Variants in AKNAD1 observed in about 807,000 individuals in gnomAD.
The protein encoded by AKNAD1 is protein AKNAD1.
In AKNAD1, 67 loss-of-function variants were observed where a neutral mutation model predicts 90.8. The observed-to-expected ratio is 0.74, with a 90% CI of 0.61 to 0.90. AKNAD1 has a LOEUF of 0.90. Ranked by LOEUF, AKNAD1 falls within the 40% of genes least tolerant of loss-of-function variation. The pLI is 0.00. For missense variants in AKNAD1, 957 were observed against 975.4 expected (o/e 0.98, Z 0.25); for synonymous variants, 327 against 341.4 (o/e 0.96, Z 0.46).
intron 1 of AKNAD1, among the ~76,000 whole-genome samples, chr1:108,853,344 G>T (rs1664928680): frequency 2.0e-5 from 3 of 151,668 alleles, no homozygotes. Context: ...TATTAGCCAG[G>T]ATGGTCTTCA....
chr1:108,834,969 C>T lies in AKNAD1; in HGVS notation c.1624G>A (p.Glu542Lys), dbSNP rs779192059. Residue 542 changes from glutamate (E) to lysine (K), a missense_variant, in exon 8 of 16, where the codon GAG becomes AAG. Transcript: ENST00000370001. Reference sequence around the variant, plus strand: ...TCACAGAGCTCCTCGTTGGGGGCCTCCTGCGGCCCTCCTTGGGGTGTCCCT... The same window carrying T: ...TCACAGAGCTCCTCGTTGGGGGCCTTCTGCGGCCCTCCTTGGGGTGTCCCT... ...VTGTPQGGPQ[E>K]APNEELCELA... The T allele has an allele frequency of 2.7e-5, 42 of 1,552,780 alleles. No individual in the cohort carries two copies. The highest frequency in any genetic ancestry group is 3.5e-5 in the Non-Finnish European group (41 of 1,158,840).
intron 5 of AKNAD1, among the ~76,000 whole-genome samples, chr1:108,843,976 T>C (rs1056108214): frequency 1.3e-5 from 2 of 152,296 alleles, no homozygotes; most frequent in South Asian, 2.1e-4. Flanking sequence ...TTTCTGGCCC[T>C]GGGCCAGAAG....
intron 14 of AKNAD1, 23 bp from the exon 15 acceptor site, chr1:108,817,200 T>C: frequency 6.2e-7 from 1 of 1,613,392 alleles, no homozygotes; most frequent in Non-Finnish European, 8.5e-7. Flanking sequence ...AGCACATTGA[T>C]ACTTGTGTCA....
In AKNAD1 at chr1:108,835,044, G is replaced by A; in HGVS notation, c.1549C>T (p.His517Tyr). 6.3e-7 allele frequency: 1 copy of A among 1,575,394 alleles called. No homozygotes were observed. The highest frequency in any genetic ancestry group is 8.6e-7 in the Non-Finnish European group (1 of 1,165,714). Residue 517 changes from histidine to tyrosine, a missense_variant, in exon 8 of 16, where the codon CAC (histidine) becomes TAC (tyrosine). Coordinates refer to ENST00000370001, the MANE Select transcript of AKNAD1 (RefSeq NM_152763.5). The part of the protein sequence containing the change: ...SSLSNEIPKE[H>Y]PGHPSGPRGS... ...CGAGGCCCAGAAGGGTGGCCGGGGT[G>A]CTCCTTGGGAATCTGGGGGAGCCAC... is the stretch of plus-strand genomic sequence containing the variant.
chr1:108,844,817 C>CT (rs58471346), intron 5 of AKNAD1, among the ~76,000 whole-genome samples: 43,839 of 145,130 alleles, frequency 0.3, 6,735 homozygotes, highest in African/African-American at 0.42. Context: ...ATTATTAATT[C>CT]TTTTTTTTTT....
At chr1:108,839,808 C>G (rs976638049) in intron 6 of AKNAD1, among the ~76,000 whole-genome samples, 1 of 152,034 alleles carries the variant, frequency 6.6e-6, no homozygotes, top group African/African-American at 2.4e-5. Context: ...ATCACTTGAA[C>G]CCAGGAGTTC....
At chr1:108,846,440 C>T (rs552853829) in intron 5 of AKNAD1, among the ~76,000 whole-genome samples, 86 of 152,308 alleles carry the variant, frequency 5.6e-4, no homozygotes, top group African/African-American at 2.0e-3. Context: ...TTCTGGAGAT[C>T]TTGCTTATCG....
intron 5 of AKNAD1, among the ~76,000 whole-genome samples, chr1:108,846,796 G>A (rs1664714360): frequency 6.6e-6 from 1 of 151,992 alleles, no homozygotes; most frequent in Non-Finnish European, 1.5e-5. Context: ...ACTGCCTACT[G>A]GAGCCCTCTA....
At chr1:108,820,480 C>G (rs1278825074) in intron 14 of AKNAD1, 65 bp downstream of exon 14, 1 of 1,096,776 alleles carries the variant, frequency 9.1e-7, no homozygotes, top group Non-Finnish European at 1.4e-6. Flanking sequence ...AATGCACTAT[C>G]AAGTACACTG....
chr1:108,842,811 T>C (rs1359345581), intron 6 of AKNAD1, among the ~76,000 whole-genome samples: 2 of 151,824 alleles, frequency 1.3e-5, no homozygotes, highest in Non-Finnish European at 2.9e-5. Context: ...CTTTCTAGGG[T>C]TTTCTTAGGC....
At chr1:108,838,326 C>CT (rs1664443176) in intron 6 of AKNAD1, among the ~76,000 whole-genome samples, 1 of 149,244 alleles carries the variant, frequency 6.7e-6, no homozygotes, top group African/African-American at 2.5e-5. Context: ...ATAGCCCCCC[C>CT]CCCAAAAAAA....
chr1:108,852,668 TGTGCAGCCC>T lies in AKNAD1; in HGVS notation c.-13_-5del. On this transcript the variant is annotated 5_prime_UTR_variant, in exon 2 of 16. Coordinates refer to ENST00000370001, the MANE Select transcript of AKNAD1 (RefSeq NM_152763.5). Reference sequence around the variant, plus strand: ...CTGAAAAATCAGCCTCATCCATGTGTGTGCAGCCCGATCGCTCTCGTCCTCTGCCTCCTG... The same window carrying T: ...CTGAAAAATCAGCCTCATCCATGTGTGATCGCTCTCGTCCTCTGCCTCCTG... 6.4e-7 allele frequency: 1 copy of T among 1,558,614 alleles called. No homozygotes were observed. Among genetic ancestry groups the T allele is most frequent in the Non-Finnish European group, 8.6e-7 (1 of 1,156,096 alleles).
intron 5 of AKNAD1, among the ~76,000 whole-genome samples, chr1:108,847,313 T>C (rs1005780837): frequency 1.4e-4 from 21 of 151,928 alleles, no homozygotes; most frequent in African/African-American, 5.1e-4. Flanking sequence ...CCAGGCACGG[T>C]GGTGCACACC....
In AKNAD1 at chr1:108,822,368, T is replaced by C. The variant is rs1022184213; in HGVS notation, c.2167+1002A>G. ...GCTAATGGAGTTCAAGATCACATTGTGGATGAATCCATTGCAGCCCTCGTT... is the reference window on the plus strand; with the variant it reads ...GCTAATGGAGTTCAAGATCACATTGCGGATGAATCCATTGCAGCCCTCGTT... On this transcript the variant is annotated intron_variant, in intron 13 of 15. Coordinates refer to ENST00000370001, the MANE Select transcript of AKNAD1 (RefSeq NM_152763.5). Among the ~76,000 whole-genome samples, 3 of 152,198 alleles carry C rather than the reference T, an allele frequency of 2.0e-5. No individual in the cohort carries two copies. The East Asian group carries it at 5.8e-4, about 29-fold the overall frequency.
At chr1:108,822,292 T>C (rs1367815207) in intron 13 of AKNAD1, among the ~76,000 whole-genome samples, 1 of 152,180 alleles carries the variant, frequency 6.6e-6, no homozygotes, top group African/African-American at 2.4e-5. Flanking sequence ...GTAAGGGTCT[T>C]TGTAACCTGG....
chr1:108,827,677 C>T (rs761091679), intron 10 of AKNAD1, among the ~76,000 whole-genome samples: 1 of 150,500 alleles, frequency 6.6e-6, no homozygotes, highest in Non-Finnish European at 1.5e-5. Context: ...AGCTGGGCGC[C>T]GTAGTGGGTG....
Position 108,851,845 on chromosome 1 carries a change from T to C in AKNAD1, c.820A>G (p.Lys274Glu), listed in dbSNP as rs1234379724. Residue 274 changes from lysine (K) to glutamate (E), a missense_variant, in exon 2 of 16, where the codon AAG becomes GAG. Lys to Glu is a moderately conservative substitution (Grantham distance 56). Transcript: ENST00000370001. ...IAPKVKIPKNKIINKPLAIAK... is the reference protein window; with the variant it reads ...IAPKVKIPKNEIINKPLAIAK... ...ATTGCAAGTGGTTTATTAATTATCT[T>C]ATTTTTAGGAATTTTCACTTTGGGA... The C allele has an allele frequency of 1.9e-6, 3 of 1,613,756 alleles. No individual in the cohort carries two copies. The highest frequency in any genetic ancestry group is 2.2e-5 in the East Asian group (1 of 44,888).
Position 108,834,548 on chromosome 1 carries a change from A to G in AKNAD1, c.1665-20T>C, listed in dbSNP as rs887620677. The G allele has an allele frequency of 8.2e-7, 1 of 1,217,970 alleles. No individual in the cohort carries two copies. The highest frequency in any genetic ancestry group is 1.2e-6 in the Non-Finnish European group (1 of 866,286). The allele number at this position is 1,217,970 out of a possible 1,614,324, so 75.4% of individuals were successfully genotyped here. The stretch of plus-strand genomic sequence containing the variant: ...AGGTAACTAATTTAAAAAAAAAAAA[A>G]GCAGTTTGAATGTTAGAATCAGTTC... On this transcript the variant is annotated intron_variant, in intron 8 of 15. Coordinates refer to ENST00000370001, the MANE Select transcript of AKNAD1 (RefSeq NM_152763.5).
chr1:108,846,660 C>T (rs1664710235), intron 5 of AKNAD1, among the ~76,000 whole-genome samples: 1 of 151,978 alleles, frequency 6.6e-6, no homozygotes, highest in Non-Finnish European at 1.5e-5. Flanking sequence ...CTCTCCTGGG[C>T]CCTCTTCACT....
Sources: allele counts gnomAD v4.1 joint callset (sites outside exome capture counted in the v4.1 genomes callset), GRCh38; gene constraint gnomAD v4.1.1; transcripts MANE v1.5; gene names NCBI Gene and HGNC (gene_info 2026-07-23, HGNC 2026-07-21).